The following KCNT2 variants were observed in gnomAD, a reference collection of about 807,000 sequenced individuals.
KCNT2 encodes the protein potassium channel subfamily T member 2.
In KCNT2, 67 loss-of-function variants were observed where a neutral mutation model predicts 153.8. The ratio of observed to expected loss-of-function variants is 0.44; its 90% confidence interval spans 0.36 to 0.53. The LOEUF is 0.53. Ranked by LOEUF, KCNT2 falls within the 20% of genes least tolerant of loss-of-function variation. KCNT2 has a pLI of 0.00. For missense variants in KCNT2, 975 were observed against 1,354.8 expected (o/e 0.72, Z 4.40); for synonymous variants, 500 against 458.8 (o/e 1.09, Z -1.15).
At chr1:196,538,722 G>A in intron 1 of KCNT2, among the ~76,000 whole-genome samples, 1 of 152,122 alleles carries the variant, frequency 6.6e-6, no homozygotes, top group Non-Finnish European at 1.5e-5. Flanking sequence ...AGCCACTTCA[G>A]CCTACTCCTG....
chr1:196,239,248 A>G (rs930180117), intron 26 of KCNT2, among the ~76,000 whole-genome samples: 7 of 151,786 alleles, frequency 4.6e-5, no homozygotes, highest in African/African-American at 1.7e-4. Context: ...TTAGCAAAAT[A>G]AAAAAATTAT....
intron 13 of KCNT2, among the ~76,000 whole-genome samples, chr1:196,388,480 T>C (rs192892725): frequency 4.0e-4 from 60 of 151,778 alleles, no homozygotes; most frequent in Admixed American, 1.7e-3. Context: ...TGTAGGTTAA[T>C]TTGGATATAA....
chr1:196,368,105 A>G (rs1668193862), intron 14 of KCNT2, among the ~76,000 whole-genome samples: 1 of 152,166 alleles, frequency 6.6e-6, no homozygotes, highest in African/African-American at 2.4e-5. Flanking sequence ...TAAACTAAAC[A>G]CCACCCCTAC....
At chr1:196,450,562 G>C (rs1477392300) in intron 8 of KCNT2, among the ~76,000 whole-genome samples, 1 of 151,700 alleles carries the variant, frequency 6.6e-6, no homozygotes, top group East Asian at 2.0e-4. Context: ...AAACCTCAAA[G>C]TTATTCTTTT....
At chr1:196,300,600 A>G (rs539119407) in intron 22 of KCNT2, among the ~76,000 whole-genome samples, 8 of 152,090 alleles carry the variant, frequency 5.3e-5, no homozygotes, top group Non-Finnish European at 1.2e-4. Context: ...AGGCCTTGCT[A>G]AGTCACCTCC....
intron 13 of KCNT2, among the ~76,000 whole-genome samples, chr1:196,378,768 T>C (rs954801523): frequency 6.8e-6 from 1 of 147,782 alleles, no homozygotes; most frequent in East Asian, 1.9e-4. Flanking sequence ...TAATATAATA[T>C]CTACTAAATC....
At chr1:196,469,523 A>G (rs2148670162) in intron 5 of KCNT2, among the ~76,000 whole-genome samples, 1 of 152,322 alleles carries the variant, frequency 6.6e-6, no homozygotes, top group East Asian at 1.9e-4. Flanking sequence ...TACAATTTAA[A>G]GAAAGGACTT....
chr1:196,257,746 T>C (rs1656640724), intron 26 of KCNT2: 1 of 984,362 alleles, frequency 1.0e-6, no homozygotes, highest in Non-Finnish European at 1.2e-6. Context: ...AGATTTTGTT[T>C]CTAAACCACA....
intron 26 of KCNT2, among the ~76,000 whole-genome samples, chr1:196,236,793 C>A (rs1318303338): frequency 6.6e-6 from 1 of 151,400 alleles, no homozygotes; most frequent in Non-Finnish European, 1.5e-5. Context: ...GTTGACCCTG[C>A]ATTACATAGG....
intron 1 of KCNT2, among the ~76,000 whole-genome samples, chr1:196,574,976 G>A (rs1661186516): frequency 6.6e-6 from 1 of 151,832 alleles, no homozygotes; most frequent in African/African-American, 2.4e-5. Flanking sequence ...AATTAATTGA[G>A]TATATTATTT....
At chr1:196,464,209 T>A (rs1677403021) in intron 8 of KCNT2, among the ~76,000 whole-genome samples, 1 of 151,826 alleles carries the variant, frequency 6.6e-6, no homozygotes, top group Admixed American at 6.6e-5. Context: ...TGTTTCATAT[T>A]AATGCAGTTA....
intron 13 of KCNT2, among the ~76,000 whole-genome samples, chr1:196,391,215 G>A (rs959513162): frequency 1.3e-5 from 2 of 151,336 alleles, no homozygotes; most frequent in African/African-American, 4.8e-5. Context: ...CAGGGTGACA[G>A]GTAAAGGCAA....
chr1:196,236,211 A>G (rs185046172), intron 26 of KCNT2, 141 bp from the exon 27 acceptor site: 1 of 601,544 alleles, frequency 1.7e-6, no homozygotes, highest in Admixed American at 2.8e-5. Context: ...TGTGCACATA[A>G]GTTTGGCTAT....
At chr1:196,482,307 G>T in intron 4 of KCNT2, 24 bp downstream of exon 4, 1 of 1,508,154 alleles carries the variant, frequency 6.6e-7, no homozygotes, top group Non-Finnish European at 9.1e-7. Context: ...AGAGATATAG[G>T]GATAAAACAA....
chr1:196,594,162 T>A (rs1663766159), intron 1 of KCNT2, among the ~76,000 whole-genome samples: 1 of 152,094 alleles, frequency 6.6e-6, no homozygotes, highest in Non-Finnish European at 1.5e-5. Flanking sequence ...ACTGAGCAGT[T>A]CCCTGTGTAA....
At chr1:196,318,952 T>A (rs1663011766) in intron 20 of KCNT2, among the ~76,000 whole-genome samples, 1 of 151,776 alleles carries the variant, frequency 6.6e-6, no homozygotes. Flanking sequence ...GTCACCATAA[T>A]ACATGTATAA....
At chr1:196,447,057 T>C (rs138962465) in intron 8 of KCNT2, among the ~76,000 whole-genome samples, 2 of 151,702 alleles carry the variant, frequency 1.3e-5, no homozygotes, top group African/African-American at 4.8e-5. Flanking sequence ...TTGGATGAAA[T>C]TGAACTTAAA....
intron 22 of KCNT2, among the ~76,000 whole-genome samples, chr1:196,291,235 C>A (rs979988637): frequency 2.6e-5 from 4 of 151,770 alleles, no homozygotes; most frequent in Non-Finnish European, 5.9e-5. Context: ...ATGCTACCCA[C>A]TCTATGAAAT....
At chr1:196,280,673 AAGACT>A (rs1178678258) in intron 25 of KCNT2, among the ~76,000 whole-genome samples, 182 bp downstream of exon 25, 1 of 152,222 alleles carries the variant, frequency 6.6e-6, no homozygotes, top group Non-Finnish European at 1.5e-5. Context: ...TATTTTTTGG[AAGACT>A]GACATAGTTT....
Sources: allele counts gnomAD v4.1 joint callset (sites outside exome capture counted in the v4.1 genomes callset), GRCh38; gene constraint gnomAD v4.1.1; transcripts MANE v1.5; gene names NCBI Gene and HGNC (gene_info 2026-07-23, HGNC 2026-07-21).